Variants in ZNF611 observed in about 807,000 individuals in gnomAD.
ZNF611 encodes zinc finger protein 611.
In ZNF611, 6 loss-of-function variants were observed where a neutral mutation model predicts 8.9. The ratio of observed to expected loss-of-function variants is 0.68; its 90% CI spans 0.37 to 1.34. The LOEUF (loss-of-function observed/expected upper bound fraction) is 1.34, where lower values mean the gene tolerates loss of function less well. ZNF611 is among the 40% of genes most tolerant of loss of function. ZNF611 has a pLI of 0.02. For missense variants in ZNF611, 874 were observed against 841.3 expected (o/e 1.04, Z -0.48); for synonymous variants, 262 against 279.7 (o/e 0.94, Z 0.63).
rs1202513021 is a variant in ZNF611 at position 52,706,324 on chromosome 19, G to A, written c.731C>T (p.Ser244Leu). 1 of 1,614,146 alleles carries A rather than the reference G, an allele frequency of 6.2e-7. No homozygotes were observed. The highest frequency in any genetic ancestry group is 1.1e-5 in the South Asian group (1 of 91,082). The change falls in exon 6 of 6, where the codon TCA becomes TTA. Residue 244 changes from serine to leucine, a missense_variant. Coordinates refer to ENST00000652185, the MANE Select transcript of ZNF611 (RefSeq NM_001161499.2). ...NKSGKAFNCSSLLRKHQIPHL... is the reference protein window; with the variant it reads ...NKSGKAFNCSLLLRKHQIPHL... ...GGGTATCTGGTGTTTCCTTAAGAGTGAGCTACAATTAAAGGCTTTGCCACT... is the reference window on the plus strand; with the variant it reads ...GGGTATCTGGTGTTTCCTTAAGAGTAAGCTACAATTAAAGGCTTTGCCACT...
chr19:52,714,795 T>C (rs12983140), intron 4 of ZNF611, among the ~76,000 whole-genome samples: 35,308 of 55,930 alleles, frequency 0.63, 14,748 homozygotes, highest in African/African-American at 0.87. Context: ...GTCAAGAGAT[T>C]GAGACCATCC....
In ZNF611 at chr19:52,706,190, A is replaced by G. The variant is rs2062242963; in HGVS notation, c.865T>C (p.Cys289Arg). Reference protein sequence around the residue: ...RCHTVEKPYKCKECGKTFSQE... With the variant: ...RCHTVEKPYKRKECGKTFSQE... Reference sequence around the variant, plus strand: ...CTGAAGGTCTTGCCACACTCTTTACACTTGTAAGGTTTCTCAACAGTGTGA... The same window carrying G: ...CTGAAGGTCTTGCCACACTCTTTACGCTTGTAAGGTTTCTCAACAGTGTGA... The change falls in exon 6 of 6, where the codon TGT (cysteine) becomes CGT (arginine). Residue 289 changes from cysteine to arginine, a missense_variant. Transcript: ENST00000652185. 1 of 1,614,178 alleles carries G rather than the reference A, an allele frequency of 6.2e-7. No homozygotes were observed. Among genetic ancestry groups the G allele is most frequent in the South Asian group, 1.1e-5 (1 of 91,088 alleles).
rs759322784 is a variant in ZNF611 at position 52,705,739 on chromosome 19, G to C, written c.1316C>G (p.Ser439Ter). Residue 439 changes from serine (S) to a stop codon, truncating the protein, a stop_gained, in exon 6 of 6, where the codon TCA (serine) becomes TGA (stop). Transcript: ENST00000652185. LOFTEE classifies it low-confidence loss of function (END_TRUNC). ...NECGKTFSHK[S>*]SLVCHHRLHG... Reference sequence around the variant, plus strand: ...AAGTCTATGATGGCATACAAGGGATGACTTGTGACTGAAGGTCTTGCCACA... The same window carrying C: ...AAGTCTATGATGGCATACAAGGGATCACTTGTGACTGAAGGTCTTGCCACA... 3.1e-6 allele frequency: 5 copies of C among 1,614,118 alleles called. No individual in the cohort carries two copies. The highest frequency in any genetic ancestry group is 4.2e-6 in the Non-Finnish European group (5 of 1,179,974).
rs961796028 is a variant in ZNF611, at chr19:52,704,253, A to G, written c.*684T>C. ...GTCAATTAATGCTTGATGGTTTGCT[A>G]TACTCATTTCATTGGGAACGGTTAT... On this transcript the variant is annotated 3_prime_UTR_variant, in exon 6 of 6. Coordinates refer to ENST00000652185, the MANE Select transcript of ZNF611 (RefSeq NM_001161499.2). The G allele has an allele frequency of 5.5e-5, 26 of 473,166 alleles. No individual in the cohort carries two copies. The highest frequency in any genetic ancestry group is 4.8e-4 in the African/African-American group (24 of 49,948). The allele number at this position is 473,166 out of a possible 1,614,324, so 29.3% of individuals were successfully genotyped here.
rs761245336 is a variant in ZNF611, at chr19:52,706,828, G to C, written c.227C>G (p.Ser76Ter). The C allele has an allele frequency of 1.2e-6, 2 of 1,610,054 alleles. No homozygotes were observed. Among genetic ancestry groups the C allele is most frequent in the South Asian group, 2.2e-5 (2 of 90,342 alleles). Residue 76 changes from serine to a stop codon, truncating the protein, a stop_gained, in exon 6 of 6, where the codon TCA becomes TGA. Coordinates refer to ENST00000652185, the MANE Select transcript of ZNF611 (RefSeq NM_001161499.2). LOFTEE classifies it low-confidence loss of function (END_TRUNC). ...SSKCMMKEVL[S>*]TGQGNTEVIH... ...CACTTCTGTATTGCCTTGCCCTGTTGACAAGACCTCCTTCATCATGCATTT... is the reference window on the plus strand; with the variant it reads ...CACTTCTGTATTGCCTTGCCCTGTTCACAAGACCTCCTTCATCATGCATTT...
intron 3 of ZNF611, among the ~76,000 whole-genome samples, chr19:52,720,466 A>C (rs2062348847): frequency 1.0e-5 from 1 of 98,346 alleles, no homozygotes; most frequent in Admixed American, 1.0e-4. Context: ...GGCGCTCCTC[A>C]CCTCCCAGAT....
rs149477563 is a variant in ZNF611, at chr19:52,715,603, T to C, written c.63+229A>G. Reference sequence around the variant, plus strand: ...CCCCATGTTTATCCATGTCAGGGTGTGAGCCCTTCCCAGGACCATGCCCAG... The same window carrying C: ...CCCCATGTTTATCCATGTCAGGGTGCGAGCCCTTCCCAGGACCATGCCCAG... On this transcript the variant is annotated intron_variant, in intron 4 of 5. Coordinates refer to ENST00000652185, the MANE Select transcript of ZNF611 (RefSeq NM_001161499.2). Among the ~76,000 whole-genome samples, 85 of 152,276 alleles carry C rather than the reference T, an allele frequency of 5.6e-4. 1 individual carries two copies. The East Asian group carries it at 0.015, about 28-fold the overall frequency.
intron 1 of ZNF611, among the ~76,000 whole-genome samples, chr19:52,734,559 C>T (rs993224671): frequency 1.3e-5 from 2 of 149,232 alleles, no homozygotes; most frequent in African/African-American, 4.9e-5. Flanking sequence ...CGCGACGGCG[C>T]CTTAGGACCA....
At chr19:52,716,063 A>G in intron 3 of ZNF611, 150 bp from the exon 4 acceptor site, 1 of 860,284 alleles carries the variant, frequency 1.2e-6, no homozygotes, top group Non-Finnish European at 1.8e-6. Context: ...AGGAAGTCCC[A>G]CAGGAAGACC....
chr19:52,705,955 T>A lies in ZNF611; in HGVS notation c.1100A>T (p.Glu367Val). The A allele has an allele frequency of 6.2e-7, 1 of 1,614,168 alleles. No homozygotes were observed. Among genetic ancestry groups the A allele is most frequent in the Non-Finnish European group, 8.5e-7 (1 of 1,180,022 alleles). Residue 367 changes from glutamate to valine, a missense_variant, in exon 6 of 6, where the codon GAG becomes GTG. By Grantham distance (121) the Glu-to-Val change is moderately radical. Coordinates refer to ENST00000652185, the MANE Select transcript of ZNF611 (RefSeq NM_001161499.2). ...QLSHHRIHTG[E>V]KPYKCEECDK... ...ACATTCTTCACATTTGTAAGGTTTCTCTCCAGTATGAATTCTATGATGTGA... is the reference window on the plus strand; with the variant it reads ...ACATTCTTCACATTTGTAAGGTTTCACTCCAGTATGAATTCTATGATGTGA...
chr19:52,727,479 A>G (rs983228694), intron 3 of ZNF611, among the ~76,000 whole-genome samples: 13 of 152,210 alleles, frequency 8.5e-5, no homozygotes, highest in Admixed American at 7.2e-4. Flanking sequence ...TCCTGGCTCT[A>G]CTTGGTAATG....
At chr19:52,725,772 G>A (rs1338987027) in intron 3 of ZNF611, among the ~76,000 whole-genome samples, 1 of 152,162 alleles carries the variant, frequency 6.6e-6, no homozygotes, top group Non-Finnish European at 1.5e-5. Context: ...GGTTTGCTGC[G>A]CAGGACAGAA....
intron 1 of ZNF611, among the ~76,000 whole-genome samples, chr19:52,734,358 A>C (rs1440419771): frequency 6.6e-6 from 1 of 151,940 alleles, no homozygotes; most frequent in Non-Finnish European, 1.5e-5. Context: ...GGTTTGGAGT[A>C]AGACGCCTGC....
chr19:52,724,144 G>A (rs1391752824), intron 3 of ZNF611: 2 of 152,168 alleles, frequency 1.3e-5, no homozygotes. Context: ...GTCTGGCTGG[G>A]GGATGGTCAG....
chr19:52,728,146 T>C (rs942663544), intron 3 of ZNF611, among the ~76,000 whole-genome samples: 2 of 152,122 alleles, frequency 1.3e-5, no homozygotes, highest in African/African-American at 2.4e-5. Context: ...GACCTCGGGA[T>C]TGGCCAGGCT....
intron 3 of ZNF611, chr19:52,720,864 T>C (rs139631631): frequency 0.041 from 5,204 of 127,164 alleles, 296 homozygotes; most frequent in African/African-American, 0.15. Context: ...ATGGGGTGGC[T>C]GGGCAGAGGC....
intron 5 of ZNF611, among the ~76,000 whole-genome samples, chr19:52,710,082 C>CTT (rs897281733): frequency 6.6e-6 from 1 of 151,776 alleles, no homozygotes; most frequent in African/African-American, 2.4e-5. Context: ...TCAGCTATTT[C>CTT]TTTTTTTGTC....
rs535989904 is a variant in ZNF611, at chr19:52,706,850, A to C, written c.205T>G (p.Cys69Gly). ...GTTGACAAGACCTCCTTCATCATGC[A>C]TTTGGAAGAGATATCTACAAAATAT... ...NLEAVDISSK[C>G]MMKEVLSTGQ... Residue 69 changes from cysteine (C) to glycine (G), a missense_variant, in exon 6 of 6, where the codon TGC (cysteine) becomes GGC (glycine). Transcript: ENST00000652185. 5 of 1,609,552 alleles carry C rather than the reference A, an allele frequency of 3.1e-6. No individual in the cohort carries two copies. The highest frequency in any genetic ancestry group is 4.2e-6 in the Non-Finnish European group (5 of 1,178,470).
intron 4 of ZNF611, among the ~76,000 whole-genome samples, chr19:52,714,475 G>T (rs185730774): frequency 3.3e-5 from 5 of 151,778 alleles, no homozygotes; most frequent in Admixed American, 1.3e-4. Flanking sequence ...ATTATTTGCG[G>T]TCAAGAGTTC....
Sources: gnomAD v4.1 joint callset for allele counts (sites outside exome capture counted in the v4.1 genomes callset) on GRCh38, gnomAD v4.1.1 for gene constraint, MANE v1.5 for transcripts, NCBI Gene and HGNC (gene_info 2026-07-23, HGNC 2026-07-21) for gene names.